The following AFAP1 variants were observed in gnomAD, a reference collection of about 807,000 sequenced individuals.
AFAP1 encodes the protein actin filament associated protein 1, also known as actin filament-associated protein 1.
A neutral mutation model predicts 93.9 loss-of-function variants in AFAP1; 75 were observed. The ratio of observed to expected loss-of-function variants is 0.80; its 90% confidence interval spans 0.66 to 0.97. AFAP1 has a LOEUF of 0.97. Ranked by LOEUF, AFAP1 falls within the 50% of genes least tolerant of loss-of-function variation. AFAP1 has a pLI of 0.00. For missense variants in AFAP1, 1,201 were observed against 1,050.8 expected, an observed-to-expected ratio of 1.14 and a Z score of -1.98; for synonymous variants, 517 against 430.7, an observed-to-expected ratio of 1.20 and a Z score of -2.48.
At chr4:7,846,674 G>C (rs192682539) in intron 4 of AFAP1, among the ~76,000 whole-genome samples, 102 of 152,262 alleles carry the variant, frequency 6.7e-4, no homozygotes, top group African/African-American at 2.2e-3. Flanking sequence ...CTCTATGCCA[G>C]GCACTTTTTA....
At chr4:7,864,481 A>G (rs1716189094) in intron 3 of AFAP1, among the ~76,000 whole-genome samples, 1 of 152,196 alleles carries the variant, frequency 6.6e-6, no homozygotes, top group African/African-American at 2.4e-5. Flanking sequence ...TGAATCCCAA[A>G]TTCACTAAAA....
In AFAP1 at chr4:7,800,621, G is replaced by A. The variant is rs1718933936; in HGVS notation, c.1087C>T (p.Arg363Ter). 4 of 1,614,090 alleles carry A rather than the reference G, an allele frequency of 2.5e-6. No individual in the cohort carries two copies. Among genetic ancestry groups the A allele is most frequent in the African/African-American group, 1.3e-5 (1 of 74,930 alleles). ...YLNVLSNSRWRERWCRVKDNK... is the reference protein window; with the variant it reads ...YLNVLSNSRW ...TCTTTCACTCGGCACCAGCGCTCTC[G>A]CCAGCGGCTGTTGGAGAGCACGTTC... The change falls in exon 10 of 18, where the codon CGA becomes TGA. Residue 363 changes from arginine to a stop codon, truncating the protein, a stop_gained. Transcript: ENST00000420658. LOFTEE classifies it high-confidence loss of function.
At chr4:7,833,724 G>C (rs1489542412) in intron 6 of AFAP1, among the ~76,000 whole-genome samples, 2 of 151,790 alleles carry the variant, frequency 1.3e-5, no homozygotes, top group African/African-American at 4.8e-5. Context: ...AAGCAGCTGG[G>C]ACTACAGGCA....
intron 1 of AFAP1, among the ~76,000 whole-genome samples, chr4:7,882,512 T>C (rs1420004073): frequency 1.3e-5 from 2 of 152,032 alleles, no homozygotes; most frequent in Admixed American, 6.6e-5. Flanking sequence ...TAAATAAAAT[T>C]TTAGCAAACA....
chr4:7,928,182 C>G (rs536807571), intron 1 of AFAP1, among the ~76,000 whole-genome samples: 1 of 152,168 alleles, frequency 6.6e-6, no homozygotes, highest in Non-Finnish European at 1.5e-5. Flanking sequence ...CTGCCCCAAC[C>G]CCACTCCAGC....
intron 6 of AFAP1, among the ~76,000 whole-genome samples, chr4:7,834,029 T>G (rs1001416082): frequency 6.7e-6 from 1 of 149,792 alleles, no homozygotes. Context: ...AATCCACAAT[T>G]GCAAAAATGT....
chr4:7,815,854 T>G (rs962281894), intron 8 of AFAP1, among the ~76,000 whole-genome samples, 164 bp downstream of exon 8: 2 of 152,214 alleles, frequency 1.3e-5, no homozygotes, highest in Non-Finnish European at 2.9e-5. Context: ...ACCAAAGGGT[T>G]TTCCGGCACT....
chr4:7,840,258 T>TGG (rs1247487432), intron 5 of AFAP1, among the ~76,000 whole-genome samples: 22 of 65,138 alleles, frequency 3.4e-4, no homozygotes, highest in Admixed American at 9.2e-4. Flanking sequence ...GGTTTGTTTT[T>TGG]GGGATGTGTG....
intron 3 of AFAP1, among the ~76,000 whole-genome samples, chr4:7,863,728 A>T (rs1213652304): frequency 1.3e-5 from 2 of 152,224 alleles, no homozygotes; most frequent in Non-Finnish European, 2.9e-5. Flanking sequence ...AAAGGTATGA[A>T]GCACTATTAG....
At chr4:7,799,864 A>G (rs1718858200) in intron 10 of AFAP1, among the ~76,000 whole-genome samples, 1 of 152,196 alleles carries the variant, frequency 6.6e-6, no homozygotes, top group African/African-American at 2.4e-5. Context: ...TGAAGCAGCC[A>G]AATAAATAAC....
intron 3 of AFAP1, 75 bp downstream of exon 3, chr4:7,868,547 T>G (rs958427176): frequency 7.4e-7 from 1 of 1,343,008 alleles, no homozygotes; most frequent in Admixed American, 2.2e-5. Context: ...CGGGCTTCCA[T>G]CACAGGCCCC....
At chr4:7,890,298 C>T (rs1718389202) in intron 1 of AFAP1, among the ~76,000 whole-genome samples, 1 of 152,176 alleles carries the variant, frequency 6.6e-6, no homozygotes, top group African/African-American at 2.4e-5. Flanking sequence ...GTCCTTGGAA[C>T]AAATGCTGCT....
chr4:7,877,366 C>G (rs991300864), intron 1 of AFAP1, among the ~76,000 whole-genome samples: 2 of 152,234 alleles, frequency 1.3e-5, no homozygotes, highest in Admixed American at 6.5e-5. Context: ...ACGCACTGCG[C>G]CCCATCTACA....
intron 1 of AFAP1, among the ~76,000 whole-genome samples, chr4:7,937,927 G>C (rs969593512): frequency 6.6e-6 from 1 of 152,182 alleles, no homozygotes; most frequent in Non-Finnish European, 1.5e-5. Context: ...TCATGGTATT[G>C]AAAAAGGAGC....
At position 7,939,688 on chromosome 4, in the gene AFAP1, G is replaced by C. The variant is rs1420910172; in HGVS notation, c.-35C>G. Reference sequence around the variant, plus strand: ...CGCCACCTCGCAGCGCTCGCTCCTCGCCGCGGCGCCTGGGCCGACTGGAGC... The same window carrying C: ...CGCCACCTCGCAGCGCTCGCTCCTCCCCGCGGCGCCTGGGCCGACTGGAGC... On this transcript the variant is annotated 5_prime_UTR_variant, in exon 1 of 18. Coordinates refer to ENST00000420658, the MANE Select transcript of AFAP1 (RefSeq NM_001134647.2). This position sits in a 1 kb window ranked among gnomAD's most constrained non-coding sequence, Gnocchi z 5.6. The C allele has an allele frequency of 4.8e-6, 2 of 416,298 alleles. No homozygotes were observed. Among genetic ancestry groups the C allele is most frequent in the South Asian group, 3.3e-5 (2 of 60,896 alleles). The allele number at this position is 416,298 out of a possible 1,614,324, so 25.8% of individuals were successfully genotyped here. A position where few individuals can be genotyped will look rare whatever the true frequency, so the allele number is the denominator to read the frequency against.
intron 1 of AFAP1, among the ~76,000 whole-genome samples, chr4:7,886,301 G>C (rs1718137436): frequency 6.6e-6 from 1 of 152,190 alleles, no homozygotes; most frequent in Admixed American, 6.5e-5. Flanking sequence ...AAAACCTCTG[G>C]CTTTGGGGAC....
chr4:7,767,580 C>T (rs577907179), intron 17 of AFAP1, among the ~76,000 whole-genome samples: 1 of 152,234 alleles, frequency 6.6e-6, no homozygotes, highest in South Asian at 2.1e-4. Context: ...CCAGCCATTC[C>T]TCCCTTCCCC....
intron 4 of AFAP1, among the ~76,000 whole-genome samples, chr4:7,845,987 A>ATG (rs1315739982): frequency 1.3e-5 from 2 of 152,182 alleles, no homozygotes. Context: ...AGCACAGAAG[A>ATG]TGTCACTTTA....
chr4:7,868,992 GA>G (rs1012955582), intron 2 of AFAP1, among the ~76,000 whole-genome samples: 1 of 96,930 alleles, frequency 1.0e-5, no homozygotes, highest in African/African-American at 3.9e-5. Flanking sequence ...AAAAAGAAAA[GA>G]AAAGAGAAAG....
Sources: gnomAD v4.1 joint callset for allele counts (sites outside exome capture counted in the v4.1 genomes callset) on GRCh38, gnomAD v4.1.1 for gene constraint, Gnocchi (gnomAD v3.1) non-coding constraint, MANE v1.5 for transcripts, NCBI Gene and HGNC (gene_info 2026-07-23, HGNC 2026-07-21) for gene names.